LSM14B: variants seen among roughly 807,000 people sequenced by gnomAD.
The protein encoded by LSM14B is LSM family member 14B.
Under a neutral mutation model 42.1 loss-of-function variants are expected in LSM14B, and 8 were observed. The ratio of observed to expected loss-of-function variants is 0.19; its 90% CI spans 0.11 to 0.34. The LOEUF (loss-of-function observed/expected upper bound fraction) is 0.34, where lower values mean the gene tolerates loss of function less well. Among genes scored for constraint, LSM14B ranks in the 10% least tolerant of loss-of-function variants. The pLI, the probability that LSM14B is intolerant of heterozygous loss-of-function variation, is 1.00. For synonymous variants in LSM14B, 219 were observed against 209.7 expected, an observed-to-expected ratio of 1.04 and a Z score of -0.38; for missense variants, 396 against 513.1, an observed-to-expected ratio of 0.77 and a Z score of 2.21.
At chr20:62,129,662 T>G in intron 3 of LSM14B, 123 bp from the exon 4 acceptor site, 1 of 1,092,008 alleles carries the variant, frequency 9.2e-7, no homozygotes, top group Non-Finnish European at 1.3e-6. Flanking sequence ...CTGGATTTGA[T>G]AGAACATCTA....
At chr20:62,133,581 G>A in intron 8 of LSM14B, 106 bp downstream of exon 8, 2 of 1,326,444 alleles carry the variant, frequency 1.5e-6, no homozygotes, top group South Asian at 2.9e-5. Flanking sequence ...AGGAAGAAGA[G>A]AGGCCCAGAG....
At chr20:62,128,679 G>A (rs980165103) in intron 3 of LSM14B, among the ~76,000 whole-genome samples, 7 of 152,274 alleles carry the variant, frequency 4.6e-5, no homozygotes, top group African/African-American at 7.2e-5. Context: ...TTTGTCTCCC[G>A]GACATGCTGA....
At chr20:62,124,963 T>A (rs938078046) in intron 2 of LSM14B, among the ~76,000 whole-genome samples, 183 bp downstream of exon 2, 6 of 151,926 alleles carry the variant, frequency 3.9e-5, no homozygotes, top group African/African-American at 7.3e-5. Flanking sequence ...TCATTGCAAC[T>A]TTGGCTTCCC....
chr20:62,128,213 C>T (rs2056659937), intron 3 of LSM14B, among the ~76,000 whole-genome samples: 1 of 152,224 alleles, frequency 6.6e-6, no homozygotes, highest in Admixed American at 6.5e-5. Flanking sequence ...CACCACCTGT[C>T]TCTGTGCTGT....
intron 8 of LSM14B, 116 bp from the exon 9 acceptor site, chr20:62,134,047 G>A (rs754063740): frequency 7.7e-5 from 28 of 361,376 alleles, no homozygotes; most frequent in Non-Finnish European, 1.2e-4. Flanking sequence ...AGAAGAATGG[G>A]GGTAGCCAGT....
Position 62,124,664 on chromosome 20 carries a change from C to T in LSM14B, c.175C>T (p.Pro59Ser), listed in dbSNP as rs2056531728. ...EDRPTDRPAP[P>S]REEIYEYIIF... ...CCGTCCCACAGATAGGCCTGCGCCC[C>T]CCAGAGAGGAGATTTATGAGTACAT... is the stretch of plus-strand genomic sequence containing the variant. The change falls in exon 2 of 9, where the codon CCC (proline) becomes TCC (serine). Residue 59 changes from proline to serine, a missense_variant. Coordinates refer to ENST00000279068, the MANE Select transcript of LSM14B (RefSeq NM_144703.3). The T allele has an allele frequency of 6.2e-7, 1 of 1,613,920 alleles. No homozygotes were observed.
chr20:62,131,024 G>A (rs2056752324), intron 6 of LSM14B, among the ~76,000 whole-genome samples: 1 of 152,260 alleles, frequency 6.6e-6, no homozygotes, highest in South Asian at 2.1e-4. Flanking sequence ...CACTCCAGCC[G>A]GGCGATAGAG....
chr20:62,127,131 A>G (rs986243937), intron 3 of LSM14B, among the ~76,000 whole-genome samples: 1 of 152,196 alleles, frequency 6.6e-6, no homozygotes, highest in African/African-American at 2.4e-5. Context: ...ATACAAACCC[A>G]CCCATCATGT....
Position 62,122,617 on chromosome 20 carries a change from C to CG in LSM14B, c.-48dup. On this transcript the variant is annotated 5_prime_UTR_variant, in exon 1 of 9. Coordinates refer to ENST00000279068, the MANE Select transcript of LSM14B (RefSeq NM_144703.3). This position sits in a 1 kb window ranked among gnomAD's most constrained non-coding sequence, Gnocchi z 4.6. Reference sequence around the variant, plus strand: ...CACCGCGCGGCGGCGGAGCGGGCCGCGGCCCGGCGCTCCTTCCCCACCGCG... The same window carrying CG: ...CACCGCGCGGCGGCGGAGCGGGCCGCGGGCCCGGCGCTCCTTCCCCACCGCG... The CG allele has an allele frequency of 1.8e-6, 2 of 1,129,562 alleles. No homozygotes were observed. The highest frequency in any genetic ancestry group is 2.2e-6 in the Non-Finnish European group (2 of 910,752). 70.0% of individuals were successfully genotyped at this position (1,129,562 alleles called of 1,614,324 possible).
At position 62,127,442 on chromosome 20, in the gene LSM14B, C is replaced by T. The variant is rs932538931; in HGVS notation, c.427+1003C>T. The T allele has an allele frequency of 6.3e-6, 4 of 639,552 alleles. No homozygotes were observed. In the African/African-American group the frequency reaches 7.3e-5, roughly 12 times the overall value. 39.6% of individuals were successfully genotyped at this position (639,552 alleles called of 1,614,324 possible). On this transcript the variant is annotated intron_variant, in intron 3 of 8. Coordinates refer to ENST00000279068, the MANE Select transcript of LSM14B (RefSeq NM_144703.3). ...GACAGGCGGCCTTCCCAGCCCAGCT[C>T]TCTGGGTTTCTAAAACGTGTTTGTA...
At position 62,122,738 on chromosome 20, in the gene LSM14B, C is replaced by G; in HGVS notation, c.72C>G (p.Tyr24Ter). The G allele has an allele frequency of 6.6e-7, 1 of 1,526,208 alleles. No homozygotes were observed. Among genetic ancestry groups the G allele is most frequent in the Non-Finnish European group, 8.8e-7 (1 of 1,132,764 alleles). The allele number at this position is 1,526,208 out of a possible 1,614,324, so 94.5% of individuals were successfully genotyped here. Residue 24 changes from tyrosine (Y) to a stop codon, truncating the protein, a stop_gained, in exon 1 of 9, where the codon TAC (tyrosine) becomes TAG (stop). Transcript: ENST00000279068. LOFTEE classifies it high-confidence loss of function. The surrounding 1 kb of genome is among the most constrained non-coding windows in gnomAD (Gnocchi z 4.6). ...TCATCTCCAAGGCGCAGATCCGCTA[C>G]GAGGGCATTCTCTACACCATCGACA... The part of the protein sequence containing the change: ...ISLISKAQIR[Y>*]EGILYTIDTD...
At chr20:62,128,770 A>G (rs1360936104) in intron 3 of LSM14B, among the ~76,000 whole-genome samples, 1 of 152,074 alleles carries the variant, frequency 6.6e-6, no homozygotes, top group Non-Finnish European at 1.5e-5. Flanking sequence ...AGTCGTTCCA[A>G]CCTGCCCTTT....
chr20:62,130,430 T>G lies in LSM14B; in HGVS notation c.674-100T>G. 1 of 1,543,848 alleles carries G rather than the reference T, an allele frequency of 6.5e-7. No individual in the cohort carries two copies. Among genetic ancestry groups the G allele is most frequent in the Non-Finnish European group, 8.8e-7 (1 of 1,138,516 alleles). ...AGTCGCTGCTTGTGTGCTCTGTTCC[T>G]TCTGTGGCCTTGGGGGTGTGCCTGG... is the stretch of plus-strand genomic sequence containing the variant. On this transcript the variant is annotated intron_variant, in intron 5 of 8. Transcript: ENST00000279068. The surrounding 1 kb of genome is among the most constrained non-coding windows in gnomAD (Gnocchi z 4.1).
rs748104258 is a variant in LSM14B, at chr20:62,126,327, C to G, written c.315C>G (p.Ala105=). ...IVQSSLGSAS[A]SPFQPHVPYS... is the part of the protein sequence containing the mutation. Reference sequence around the variant, plus strand: ...AGTCTTCCCTGGGTTCTGCCTCCGCCTCGCCCTTCCAGCCGCACGTGCCTT... The same window carrying G: ...AGTCTTCCCTGGGTTCTGCCTCCGCGTCGCCCTTCCAGCCGCACGTGCCTT... The change falls in exon 3 of 9, where the codon GCC becomes GCG. Residue 105 remains alanine, a synonymous_variant. Transcript: ENST00000279068. The G allele has an allele frequency of 1.6e-5, 26 of 1,613,900 alleles. No individual in the cohort carries two copies. The highest frequency in any genetic ancestry group is 2.2e-5 in the Non-Finnish European group (26 of 1,179,910).
intron 8 of LSM14B, 80 bp downstream of exon 8, chr20:62,133,555 G>A: frequency 4.1e-6 from 6 of 1,477,794 alleles, no homozygotes; most frequent in Non-Finnish European, 5.4e-6. Context: ...AAGGTGGGGA[G>A]CAGGCTCGGT....
At position 62,122,500 on chromosome 20, in the gene LSM14B, T is replaced by C. The variant is rs2056428647; in HGVS notation, c.-167T>C. 1 of 358,734 alleles carries C rather than the reference T, an allele frequency of 2.8e-6. No individual in the cohort carries two copies. The highest frequency in any genetic ancestry group is 3.9e-6 in the Non-Finnish European group (1 of 257,526). 22.2% of individuals were successfully genotyped at this position (358,734 alleles called of 1,614,324 possible). ...AGTCGCGCGCCCCTTCTTGGTTCGC[T>C]CGGTGCCCGCGCAGGCCCCTCGGGC... On this transcript the variant is annotated 5_prime_UTR_variant, in exon 1 of 9. Transcript: ENST00000279068. The surrounding 1 kb of genome is among the most constrained non-coding windows in gnomAD (Gnocchi z 4.6).
Position 62,134,814 on chromosome 20 carries a change from C to G in LSM14B, c.*666C>G, listed in dbSNP as rs373220463. The G allele has an allele frequency of 6.4e-6, 1 of 156,064 alleles. No individual in the cohort carries two copies. The highest frequency in any genetic ancestry group is 1.9e-4 in the South Asian group (1 of 5,364). 9.7% of individuals were successfully genotyped at this position (156,064 alleles called of 1,614,324 possible). A position where few individuals can be genotyped will look rare whatever the true frequency, so the allele number is the denominator to read the frequency against. On this transcript the variant is annotated 3_prime_UTR_variant, in exon 9 of 9. Coordinates refer to ENST00000279068, the MANE Select transcript of LSM14B (RefSeq NM_144703.3). ...CATTTGGGAGTAGTGGCCAGGGGCC[C>G]TGGACGCTAGCCACGGAGCTGCTGC...
chr20:62,132,736 C>T (rs1234289555), intron 7 of LSM14B, among the ~76,000 whole-genome samples: 1 of 152,146 alleles, frequency 6.6e-6, no homozygotes, highest in Non-Finnish European at 1.5e-5. Context: ...GAGCTGTTGT[C>T]TGCGTCGGTA....
intron 3 of LSM14B, among the ~76,000 whole-genome samples, chr20:62,128,399 C>A (rs1025941780): frequency 1.3e-5 from 2 of 152,266 alleles, no homozygotes; most frequent in African/African-American, 4.8e-5. Flanking sequence ...CTGGGCTTTC[C>A]TTATGGCACA....
Sources: allele counts gnomAD v4.1 joint callset (sites outside exome capture counted in the v4.1 genomes callset), GRCh38; gene constraint gnomAD v4.1.1; non-coding constraint Gnocchi (gnomAD v3.1); transcripts MANE v1.5; gene names NCBI Gene and HGNC (gene_info 2026-07-23, HGNC 2026-07-21).